The following ADPGK variants were observed in gnomAD, a reference collection of about 807,000 sequenced individuals.
ADPGK encodes ADP dependent glucokinase, also known as ADP-dependent glucokinase.
In ADPGK, 26 loss-of-function variants were observed where a neutral mutation model predicts 42.4. The observed-to-expected ratio is 0.61, with a 90% CI of 0.45 to 0.85. ADPGK has a LOEUF of 0.85. Ranked by LOEUF, ADPGK falls within the 40% of genes least tolerant of loss-of-function variation. ADPGK has a pLI of 0.00. For missense variants in ADPGK, 571 were observed against 627.0 expected (o/e 0.91, Z 0.95); for synonymous variants, 267 against 252.6 (o/e 1.06, Z -0.54).
rs760794268 is a variant in ADPGK, at chr15:72,756,326, T to C, written c.765A>G (p.Pro255=). Residue 255 remains proline, a synonymous_variant, in exon 5 of 7, where the codon CCA becomes CCG. Transcript: ENST00000456471. The part of the protein sequence containing the change: ...VFVSSLEEFQ[P]DLVVLSGLHM... ...GCAATCCAGAGAGGACCACCAGGTC[T>C]GGCTGAAACTCCTCCAGGCTAGACA... The C allele has an allele frequency of 6.2e-7, 1 of 1,614,240 alleles. No homozygotes were observed.
chr15:72,783,468 ACGCGGCGCCAGCGCCGGACTGGC>A lies in ADPGK; in HGVS notation c.201_223del (p.Pro68GlyfsTer9), dbSNP rs1462671879. 2 of 1,387,744 alleles carry A rather than the reference ACGCGGCGCCAGCGCCGGACTGGC, an allele frequency of 1.4e-6. No individual in the cohort carries two copies. The highest frequency in any genetic ancestry group is 1.9e-6 in the Non-Finnish European group (2 of 1,077,472). The allele number at this position is 1,387,744 out of a possible 1,614,324, so 86.0% of individuals were successfully genotyped here. ...CCCCGTTGGCACTCACCCCACTGCC[ACGCGGCGCCAGCGCCGGACTGGC>A]CGCACGATAAGCGCGTCCCAGGCTG... On this transcript the variant is annotated frameshift_variant, in exon 1 of 7. Transcript: ENST00000456471. LOFTEE classifies it high-confidence loss of function.
intron 4 of ADPGK, chr15:72,758,362 A>G: frequency 1.7e-6 from 1 of 589,560 alleles, no homozygotes; most frequent in East Asian, 3.0e-5. Context: ...CTGCGTAGTG[A>G]CTCACTGGAT....
At chr15:72,773,247 T>A (rs539707708) in intron 2 of ADPGK, among the ~76,000 whole-genome samples, 1 of 152,254 alleles carries the variant, frequency 6.6e-6, no homozygotes, top group South Asian at 2.1e-4. Flanking sequence ...TTCTAGATGG[T>A]AGACATCACT....
chr15:72,766,164 A>T (rs190673805), intron 3 of ADPGK, among the ~76,000 whole-genome samples: 121 of 151,376 alleles, frequency 8.0e-4, no homozygotes, highest in African/African-American at 2.3e-3. Flanking sequence ...ATTAAAAAAA[A>T]TTTTTTTTTA....
rs902377349 is a variant in ADPGK, at chr15:72,783,554, C to G, written c.138G>C (p.Ala46=). ...WSSLCLGPAP[A]PPGPVSPEGR... is the part of the protein sequence containing the mutation. ...CCTCGGGGGAGACGGGTCCCGGGGG[C>G]GCAGGCGCGGGCCCCAGACACAGCG... The change falls in exon 1 of 7, where the codon GCG becomes GCC. Residue 46 remains alanine (A), a synonymous_variant. Coordinates refer to ENST00000456471, the MANE Select transcript of ADPGK (RefSeq NM_001365225.1). The G allele has an allele frequency of 6.7e-7, 1 of 1,497,634 alleles. No individual in the cohort carries two copies. The highest frequency in any genetic ancestry group is 1.5e-5 in the African/African-American group (1 of 68,910). 92.8% of individuals were successfully genotyped at this position (1,497,634 alleles called of 1,614,324 possible).
intron 4 of ADPGK, among the ~76,000 whole-genome samples, chr15:72,759,404 G>A (rs961047173): frequency 8.5e-5 from 13 of 152,194 alleles, no homozygotes; most frequent in Non-Finnish European, 1.5e-4. Flanking sequence ...AATTGCCTAC[G>A]TCAACGCTGT....
Position 72,752,579 on chromosome 15 carries a change from G to A in ADPGK, c.1256C>T (p.Thr419Ile), listed in dbSNP as rs1567444021. The change falls in exon 7 of 7, where the codon ACC becomes ATC. Residue 419 changes from threonine (T) to isoleucine (I), a missense_variant. Thr to Ile is a moderately conservative substitution (Grantham distance 89, BLOSUM62 -1). Transcript: ENST00000456471. The stretch of plus-strand genomic sequence containing the variant: ...CAGAGACACTCGGCTGGTGTCTATG[G>A]TTTCTGTGGCGCAGGCCTGTGTCCC... ...VAGTQACATE[T>I]IDTSRVSLRA... The A allele has an allele frequency of 1.2e-6, 2 of 1,614,232 alleles. No homozygotes were observed. The highest frequency in any genetic ancestry group is 2.2e-5 in the East Asian group (1 of 44,886).
At chr15:72,757,442 G>C (rs2066131660) in intron 4 of ADPGK, 1 of 152,288 alleles carries the variant, frequency 6.6e-6, no homozygotes, top group South Asian at 2.1e-4. Flanking sequence ...CCTGACCTCA[G>C]GTGATCTGCC....
chr15:72,762,027 A>C (rs1221433994), intron 3 of ADPGK, among the ~76,000 whole-genome samples: 2 of 152,074 alleles, frequency 1.3e-5, no homozygotes, highest in Non-Finnish European at 2.9e-5. Flanking sequence ...GCGTGCCACC[A>C]GGCCCAGCTA....
At chr15:72,767,341 G>C in intron 3 of ADPGK, among the ~76,000 whole-genome samples, 1 of 148,196 alleles carries the variant, frequency 6.7e-6, no homozygotes, top group East Asian at 2.0e-4. Flanking sequence ...ATTACAGTTG[G>C]AGACGTCAAC....
chr15:72,772,123 AC>A (rs1260292981), intron 2 of ADPGK, among the ~76,000 whole-genome samples: 16 of 152,262 alleles, frequency 1.1e-4, no homozygotes, highest in Non-Finnish European at 1.3e-4. Context: ...CAGAAGAGAC[AC>A]AGGAAACAGG....
chr15:72,764,395 A>G (rs2066232190), intron 3 of ADPGK, among the ~76,000 whole-genome samples: 1 of 152,244 alleles, frequency 6.6e-6, no homozygotes, highest in African/African-American at 2.4e-5. Flanking sequence ...AACAAGCTAC[A>G]ACATTCCCTT....
At position 72,752,316 on chromosome 15, in the gene ADPGK, A is replaced by G. The variant is rs1304930788; in HGVS notation, c.*25T>C. 6.4e-7 allele frequency: 1 copy of G among 1,572,594 alleles called. No individual in the cohort carries two copies. Among genetic ancestry groups the G allele is most frequent in the South Asian group, 1.2e-5 (1 of 85,702 alleles). On this transcript the variant is annotated 3_prime_UTR_variant, in exon 7 of 7. Transcript: ENST00000456471. ...TTAAGTTGGCTAGTTCTCCTTCCTC[A>G]GAAAAATTACCCCTAAGAATCTTCC...
rs185874212 is a variant in ADPGK at position 72,783,337 on chromosome 15, G to C, written c.233+122C>G. 7.0e-6 allele frequency: 9 copies of C among 1,282,674 alleles called. No individual in the cohort carries two copies. In the Admixed American group the frequency reaches 1.3e-4, roughly 18 times the overall value. The allele number at this position is 1,282,674 out of a possible 1,614,324, so 79.5% of individuals were successfully genotyped here. A position where few individuals can be genotyped will look rare whatever the true frequency, so the allele number is the denominator to read the frequency against. ...TCAGACGTCCGACACTTCTCGCCAA[G>C]GGGCCAGCGCGGACAGCAGCGCCTC... is the stretch of plus-strand genomic sequence containing the variant. On this transcript the variant is annotated intron_variant, in intron 1 of 6. Coordinates refer to ENST00000456471, the MANE Select transcript of ADPGK (RefSeq NM_001365225.1).
At chr15:72,771,677 G>C in intron 3 of ADPGK, 106 bp downstream of exon 3, 4 of 1,009,286 alleles carry the variant, frequency 4.0e-6, no homozygotes, top group Non-Finnish European at 4.4e-6. Context: ...CTGGTACATA[G>C]TAGGTGATCC....
chr15:72,771,721 G>T, intron 3 of ADPGK, 62 bp downstream of exon 3: 1 of 1,455,360 alleles, frequency 6.9e-7, no homozygotes, highest in Non-Finnish European at 9.5e-7. Flanking sequence ...ACTCATTCTT[G>T]CTCCTAAAAT....
intron 2 of ADPGK, among the ~76,000 whole-genome samples, chr15:72,774,664 A>C (rs1228893632): frequency 6.6e-6 from 1 of 152,122 alleles, no homozygotes; most frequent in Non-Finnish European, 1.5e-5. Flanking sequence ...GTAGGCCCAG[A>C]AATCTGTGTT....
rs975813488 is a variant in ADPGK, at chr15:72,755,430, G to A, written c.939+126C>T. On this transcript the variant is annotated intron_variant, in intron 6 of 6. Transcript: ENST00000456471. ...TTTGGATCTCCATGGACTTGGGTCT[G>A]AGTGACACAAACCTACATGTCAGTG... 4.0e-5 allele frequency: 27 copies of A among 670,842 alleles called. No homozygotes were observed. The South Asian group carries it at 5.1e-4, about 13-fold the overall frequency. 41.6% of individuals were successfully genotyped at this position (670,842 alleles called of 1,614,324 possible). A position where few individuals can be genotyped will look rare whatever the true frequency, so the allele number is the denominator to read the frequency against.
Position 72,775,668 on chromosome 15 carries a change from A to C in ADPGK, c.234-571T>G, listed in dbSNP as rs191913762. Among the ~76,000 whole-genome samples the C allele has an allele frequency of 1.9e-3, 293 of 152,302 alleles. 3 individuals carry two copies. The highest frequency in any genetic ancestry group is 6.8e-3 in the African/African-American group (283 of 41,552). The stretch of plus-strand genomic sequence containing the variant: ...CAAATGAGGATGGTAAGATACAATA[A>C]ATTCCTAAATGCCTGAGTACTCCCA... On this transcript the variant is annotated intron_variant, in intron 1 of 6. Coordinates refer to ENST00000456471, the MANE Select transcript of ADPGK (RefSeq NM_001365225.1).
Sources: gnomAD v4.1 joint callset for allele counts (sites outside exome capture counted in the v4.1 genomes callset) on GRCh38, gnomAD v4.1.1 for gene constraint, MANE v1.5 for transcripts, NCBI Gene and HGNC (gene_info 2026-07-23, HGNC 2026-07-21) for gene names.